The following KIAA0513 variants were observed in gnomAD, a reference collection of about 807,000 sequenced individuals.
KIAA0513 encodes the protein KIAA0513, also known as uncharacterized protein KIAA0513.
Under a neutral mutation model 56.5 loss-of-function variants are expected in KIAA0513, and 39 were observed. That is an observed-to-expected ratio of 0.69 (90% CI 0.53 to 0.90). The LOEUF (loss-of-function observed/expected upper bound fraction) is 0.90. KIAA0513 is among the 40% of genes least tolerant of loss of function. The probability of loss-of-function intolerance (pLI) is 0.00; values close to 1 mark genes in which losing one functional copy is unlikely to be tolerated. For missense variants in KIAA0513, 591 were observed against 535.2 expected, an observed-to-expected ratio of 1.10 and a Z score of -1.03; for synonymous variants, 268 against 215.6, an observed-to-expected ratio of 1.24 and a Z score of -2.13.
At chr16:85,046,992 G>A (rs1421682284) in intron 1 of KIAA0513, among the ~76,000 whole-genome samples, 2 of 152,162 alleles carry the variant, frequency 1.3e-5, no homozygotes, top group Non-Finnish European at 2.9e-5. Context: ...TGTATGCTGA[G>A]TGGTTCTGGA....
rs758688719 is a variant in KIAA0513, at chr16:85,077,634, T to C, written c.782+2T>C. 1.2e-6 allele frequency: 2 copies of C among 1,604,156 alleles called. No homozygotes were observed. The highest frequency in any genetic ancestry group is 1.7e-6 in the Non-Finnish European group (2 of 1,174,156). ...GGGGCCCCTGGCCAGGAGGAACGAGTACGTGTGGCCTTGGGGTCCCTCCCA... is the reference window on the plus strand; with the variant it reads ...GGGGCCCCTGGCCAGGAGGAACGAGCACGTGTGGCCTTGGGGTCCCTCCCA... On this transcript the variant is annotated splice_donor_variant, in intron 6 of 12. Coordinates refer to ENST00000683363, the MANE Select transcript of KIAA0513 (RefSeq NM_001388359.1). LOFTEE classifies it high-confidence loss of function.
At chr16:85,049,636 G>A (rs1019739029) in intron 1 of KIAA0513, among the ~76,000 whole-genome samples, 5 of 152,166 alleles carry the variant, frequency 3.3e-5, no homozygotes, top group Non-Finnish European at 5.9e-5. Context: ...CACGTAGGAC[G>A]TGGCTGCTCC....
intron 1 of KIAA0513, among the ~76,000 whole-genome samples, chr16:85,056,207 G>T (rs1444966178): frequency 1.3e-5 from 2 of 152,222 alleles, no homozygotes; most frequent in Non-Finnish European, 2.9e-5. Context: ...CAGGATCCCA[G>T]ACATGGATCC....
chr16:85,083,272 G>A (rs777942573), intron 10 of KIAA0513, among the ~76,000 whole-genome samples: 2 of 152,206 alleles, frequency 1.3e-5, no homozygotes, highest in Non-Finnish European at 2.9e-5. Context: ...CGAATCCTTT[G>A]TGATGTATTT....
At chr16:85,068,873 C>T (rs1432746804) in intron 2 of KIAA0513, among the ~76,000 whole-genome samples, 2 of 152,132 alleles carry the variant, frequency 1.3e-5, no homozygotes, top group Non-Finnish European at 1.5e-5. Context: ...ACTTGTTCTG[C>T]TTGTGGGACC....
At chr16:85,068,090 C>T (rs544632012) in intron 2 of KIAA0513, among the ~76,000 whole-genome samples, 35 of 152,034 alleles carry the variant, frequency 2.3e-4, no homozygotes, top group African/African-American at 5.3e-4. Context: ...GGATTACAGG[C>T]GTTAGCCACC....
At chr16:85,083,676 G>A (rs2073774718) in intron 10 of KIAA0513, among the ~76,000 whole-genome samples, 1 of 152,196 alleles carries the variant, frequency 6.6e-6, no homozygotes, top group Admixed American at 6.5e-5. Context: ...CCTTCTCACC[G>A]AGGCAGATTC....
intron 1 of KIAA0513, among the ~76,000 whole-genome samples, chr16:85,059,395 C>G (rs923598948): frequency 2.0e-5 from 3 of 152,234 alleles, no homozygotes; most frequent in Non-Finnish European, 2.9e-5. Context: ...GCCCCTTGAG[C>G]TGTGCCTCAT....
Position 85,081,267 on chromosome 16 carries a change from C to T in KIAA0513, c.903-48C>T, listed in dbSNP as rs2073739944. On this transcript the variant is annotated intron_variant, in intron 8 of 12. Transcript: ENST00000683363. The surrounding 1 kb of genome is among the most constrained non-coding windows in gnomAD (Gnocchi z 4.4). ...CCTCAAGGGGCCCACAACCCGTGTC[C>T]TCCCCGCCTCCCCTTGGAGAGAGTG... The T allele has an allele frequency of 6.4e-7, 1 of 1,574,342 alleles. No individual in the cohort carries two copies. Among genetic ancestry groups the T allele is most frequent in the Non-Finnish European group, 8.7e-7 (1 of 1,144,648 alleles).
chr16:85,033,668 G>A (rs1023716812), intron 1 of KIAA0513, among the ~76,000 whole-genome samples: 26 of 152,062 alleles, frequency 1.7e-4, no homozygotes, highest in Admixed American at 1.6e-3. Context: ...GCTGGGGGTG[G>A]GGGCAGGGAT....
chr16:85,040,502 C>T (rs2073091433), intron 1 of KIAA0513, among the ~76,000 whole-genome samples: 1 of 152,134 alleles, frequency 6.6e-6, no homozygotes, highest in Admixed American at 6.5e-5. Context: ...AGCACTCCAG[C>T]CTGGGTGACA....
intron 1 of KIAA0513, among the ~76,000 whole-genome samples, chr16:85,036,446 C>G (rs1032539405): frequency 2.2e-4 from 33 of 152,182 alleles, no homozygotes; most frequent in African/African-American, 7.5e-4. Flanking sequence ...GGCCTTGTAA[C>G]TAGATTCATT....
intron 1 of KIAA0513, among the ~76,000 whole-genome samples, chr16:85,044,135 A>G (rs909890224): frequency 1.3e-5 from 2 of 152,262 alleles, no homozygotes; most frequent in African/African-American, 4.8e-5. Flanking sequence ...GACAGAAAGA[A>G]GGAAGCCCAC....
Position 85,035,919 on chromosome 16 carries a change from C to T in KIAA0513, c.-173+8061C>T, listed in dbSNP as rs975222014. 3.4e-5 allele frequency among the ~76,000 whole-genome samples: 5 copies of T among 146,674 alleles called. No individual in the cohort carries two copies. In the Admixed American group the frequency reaches 3.5e-4, roughly 10 times the overall value. ...GCATGAACCTGGGAGGCAGAGCTTG[C>T]AGTGAGCCGAGATCGTGCCACTGCA... On this transcript the variant is annotated intron_variant, in intron 1 of 12. Transcript: ENST00000683363.
At chr16:85,033,643 C>A (rs760456633) in intron 1 of KIAA0513, among the ~76,000 whole-genome samples, 1 of 151,102 alleles carries the variant, frequency 6.6e-6, no homozygotes, top group South Asian at 2.1e-4. Flanking sequence ...CATAGAGCAA[C>A]TTTTCTCCCT....
chr16:85,040,065 C>T (rs191377957), intron 1 of KIAA0513, among the ~76,000 whole-genome samples: 10 of 152,104 alleles, frequency 6.6e-5, no homozygotes, highest in East Asian at 3.9e-4. Flanking sequence ...AACTCCTGAC[C>T]TCAGGTGATC....
intron 10 of KIAA0513, among the ~76,000 whole-genome samples, chr16:85,083,291 G>A (rs1377366743): frequency 2.0e-5 from 3 of 152,158 alleles, no homozygotes; most frequent in Non-Finnish European, 2.9e-5. Context: ...TTTTAGAGTC[G>A]CTGATCTGCC....
At chr16:85,082,077 G>A (rs2073752071) in intron 9 of KIAA0513, among the ~76,000 whole-genome samples, 2 of 152,236 alleles carry the variant, frequency 1.3e-5, no homozygotes, top group South Asian at 4.1e-4. Context: ...CCCTCCCCCT[G>A]TAACACTGGG....
chr16:85,054,030 C>T (rs2073292517), intron 1 of KIAA0513, among the ~76,000 whole-genome samples: 1 of 149,094 alleles, frequency 6.7e-6, no homozygotes, highest in Admixed American at 6.7e-5. Flanking sequence ...TGTGGTGGCG[C>T]ATGCTTGTAG....
Sources: allele counts gnomAD v4.1 joint callset (sites outside exome capture counted in the v4.1 genomes callset), GRCh38; gene constraint gnomAD v4.1.1; non-coding constraint Gnocchi (gnomAD v3.1); transcripts MANE v1.5; gene names NCBI Gene and HGNC (gene_info 2026-07-23, HGNC 2026-07-21).